EVC: variants seen among roughly 807,000 people sequenced by gnomAD.
EVC encodes evC complex member EVC.
In EVC, 116 loss-of-function variants were observed where a neutral mutation model predicts 118.9. The observed-to-expected ratio is 0.98, with a 90% confidence interval of 0.84 to 1.14. EVC has a LOEUF of 1.14. Ranked by LOEUF, EVC falls within the 50% of genes most tolerant of loss-of-function variation. The probability of loss-of-function intolerance (pLI) is 0.00; values close to 1 mark genes in which losing one functional copy is unlikely to be tolerated. For synonymous variants in EVC, 619 were observed against 534.7 expected, an observed-to-expected ratio of 1.16 and a Z score of -2.18; for missense variants, 1,401 against 1,246.4, an observed-to-expected ratio of 1.12 and a Z score of -1.87.
At position 5,748,087 on chromosome 4, in the gene EVC, C is replaced by CGTTTG. The variant is rs58769270; in HGVS notation, c.940-59_940-55dup. 113,411 of 1,578,592 alleles carry CGTTTG rather than the reference C, an allele frequency of 0.072. 5,218 individuals carry two copies. The highest frequency in any genetic ancestry group is 0.21 in the African/African-American group (15,743 of 74,092). On this transcript the variant is annotated intron_variant, in intron 7 of 20. Coordinates refer to ENST00000264956, the MANE Select transcript of EVC (RefSeq NM_153717.3). ...TGAATTGTAATTCCCGAGCACGCACCGTTTGGCTTTCTTAAGTAAGTTTTT... is the reference window on the plus strand; with the variant it reads ...TGAATTGTAATTCCCGAGCACGCACCGTTTGGTTTGGCTTTCTTAAGTAAGTTTTT...
the EVC span, chr4:5,825,779 C>A: frequency 1.2e-6 from 1 of 820,716 alleles, no homozygotes; most frequent in East Asian, 2.9e-5. The surrounding 1 kb of genome is among the most constrained non-coding windows in gnomAD (Gnocchi z 4.4). Flanking sequence ...TGTGCATGCA[C>A]ACACACACAC....
In EVC at chr4:5,745,249, A is replaced by G. The variant is rs367702379; in HGVS notation, c.847A>G (p.Thr283Ala). The change falls in exon 7 of 21, where the codon ACA becomes GCA. Residue 283 changes from threonine (T) to alanine (A), a missense_variant. Thr to Ala is a moderately conservative substitution (Grantham distance 58). Transcript: ENST00000264956. Reference sequence around the variant, plus strand: ...GGGACTTCAGGTCAAACTGTCAAACACAGAAATGTCGGGGGCTGGTGACTC... The same window carrying G: ...GGGACTTCAGGTCAAACTGTCAAACGCAGAAATGTCGGGGGCTGGTGACTC... The part of the protein sequence containing the change: ...EKGLQVKLSN[T>A]EMSGAGDSEY... 3.7e-6 allele frequency: 6 copies of G among 1,613,928 alleles called. No individual in the cohort carries two copies. The highest frequency in any genetic ancestry group is 5.1e-6 in the Non-Finnish European group (6 of 1,179,970).
chr4:5,809,723 G>A, intron 19 of EVC, 112 bp downstream of exon 19: 2 of 967,534 alleles, frequency 2.1e-6, no homozygotes, highest in Non-Finnish European at 3.2e-6. Flanking sequence ...TCGTGCCTAG[G>A]CTCTCTGGGC....
chr4:5,777,079 T>C (rs1026246921), intron 11 of EVC, among the ~76,000 whole-genome samples: 1 of 152,168 alleles, frequency 6.6e-6, no homozygotes, highest in African/African-American at 2.4e-5. Context: ...TCCTCATGTG[T>C]CTGTTTATAT....
intron 11 of EVC, among the ~76,000 whole-genome samples, chr4:5,770,845 C>G (rs1733835399): frequency 6.6e-6 from 1 of 152,012 alleles, no homozygotes; most frequent in Non-Finnish European, 1.5e-5. Context: ...AACCCCATCT[C>G]TACTAAAAAT....
chr4:5,787,739 C>T (rs968448310), intron 12 of EVC, among the ~76,000 whole-genome samples: 1 of 152,158 alleles, frequency 6.6e-6, no homozygotes, highest in African/African-American at 2.4e-5. Context: ...TGGTGCACTC[C>T]TTAGCATAAC....
Position 5,719,273 on chromosome 4 carries a change from A to G in EVC, c.200A>G (p.Lys67Arg). Residue 67 changes from lysine (K) to arginine (R), a missense_variant, in exon 2 of 21, where the codon AAG becomes AGG. By Grantham distance (26) the Lys-to-Arg change is conservative. Coordinates refer to ENST00000264956, the MANE Select transcript of EVC (RefSeq NM_153717.3). This position sits in a 1 kb window ranked among gnomAD's most constrained non-coding sequence, Gnocchi z 4.7. ...HQKDDTQNLL[K>R]NLESNAQTPS... ...AAAGACGACACTCAAAATCTGCTCA[A>G]GAATTTGGAGTCTAATGCGCAGACC... 6.2e-7 allele frequency: 1 copy of G among 1,614,166 alleles called. No homozygotes were observed. The highest frequency in any genetic ancestry group is 8.5e-7 in the Non-Finnish European group (1 of 1,180,038).
downstream of EVC, among the ~76,000 whole-genome samples, chr4:5,814,522 C>T (rs570409389): frequency 1.5e-4 from 23 of 152,286 alleles, no homozygotes; most frequent in South Asian, 1.9e-3. Context: ...TGTTCTCCAA[C>T]GCAAATCTGC....
chr4:5,761,952 G>C (rs1359620586), intron 11 of EVC, among the ~76,000 whole-genome samples: 1 of 151,176 alleles, frequency 6.6e-6, no homozygotes, highest in Non-Finnish European at 1.5e-5. Context: ...TGCACAATGT[G>C]CAGGTTAGTT....
chr4:5,827,507 C>T, the EVC span, among the ~76,000 whole-genome samples: 1 of 152,150 alleles, frequency 6.6e-6, no homozygotes, highest in Admixed American at 6.5e-5. Flanking sequence ...AGGAAGGTCT[C>T]TGGACTTCTC....
chr4:5,810,845 T>G lies in EVC; in HGVS notation c.2895-108T>G, dbSNP rs917956097. ...AACCCATGTCAAAGTAAAAATTGTT[T>G]TGATCACCTTTGGCTGCATTTTCAT... On this transcript the variant is annotated intron_variant, in intron 20 of 20. Coordinates refer to ENST00000264956, the MANE Select transcript of EVC (RefSeq NM_153717.3). 15 of 1,090,916 alleles carry G rather than the reference T, an allele frequency of 1.4e-5. No individual in the cohort carries two copies. The African/African-American group carries it at 2.2e-4, about 16-fold the overall frequency. The allele number at this position is 1,090,916 out of a possible 1,614,324, so 67.6% of individuals were successfully genotyped here. A position where few individuals can be genotyped will look rare whatever the true frequency, so the allele number is the denominator to read the frequency against.
At chr4:5,782,232 C>T (rs961418516) in intron 11 of EVC, among the ~76,000 whole-genome samples, 5 of 151,638 alleles carry the variant, frequency 3.3e-5, no homozygotes, top group Middle Eastern at 6.9e-3. Flanking sequence ...CGCCACCACG[C>T]CCGGCTAATT....
At chr4:5,733,682 G>A (rs1323999528) in intron 5 of EVC, among the ~76,000 whole-genome samples, 1 of 152,200 alleles carries the variant, frequency 6.6e-6, no homozygotes, top group Non-Finnish European at 1.5e-5. Context: ...AAAGATGAGT[G>A]CCTCCTCCCG....
chr4:5,733,298 T>C (rs959703059), intron 4 of EVC, 53 bp from the exon 5 acceptor site: 1 of 1,468,902 alleles, frequency 6.8e-7, no homozygotes, highest in Non-Finnish European at 9.5e-7. Flanking sequence ...ATATTCTTAC[T>C]CTTCATTTCC....
the EVC span, among the ~76,000 whole-genome samples, chr4:5,823,249 A>G: frequency 1.6e-4 from 24 of 152,198 alleles, no homozygotes; most frequent in Admixed American, 3.9e-4. Flanking sequence ...TGATTTGTCT[A>G]TGTAAGCCAC....
intron 8 of EVC, among the ~76,000 whole-genome samples, chr4:5,748,771 TCCA>T (rs1358010261): frequency 2.7e-5 from 1 of 37,276 alleles, no homozygotes; most frequent in East Asian, 1.2e-3. Context: ...CATCCATCCA[TCCA>T]TCCACCCATC....
chr4:5,819,126 T>A (rs964679814), downstream of EVC, among the ~76,000 whole-genome samples: 4 of 152,176 alleles, frequency 2.6e-5, no homozygotes, highest in East Asian at 7.7e-4. Context: ...TCCTACCTTA[T>A]ATTGTACATA....
chr4:5,785,154 C>T (rs1026512763), intron 12 of EVC, among the ~76,000 whole-genome samples: 1 of 152,150 alleles, frequency 6.6e-6, no homozygotes, highest in Non-Finnish European at 1.5e-5. Flanking sequence ...TTGCTTGGAG[C>T]AGCCCCCTTC....
In EVC at chr4:5,731,317, C is replaced by G; in HGVS notation, c.385-108C>G. The G allele has an allele frequency of 2.0e-6, 2 of 993,646 alleles. No homozygotes were observed. The highest frequency in any genetic ancestry group is 3.2e-6 in the Non-Finnish European group (2 of 616,306). 61.6% of individuals were successfully genotyped at this position (993,646 alleles called of 1,614,324 possible). A position where few individuals can be genotyped will look rare whatever the true frequency, so the allele number is the denominator to read the frequency against. ...GGCACCCTGGCCAGTCTCCTCCAGG[C>G]AGACCTTCCTGTGAGCGGCTAGCGT... On this transcript the variant is annotated intron_variant, in intron 3 of 20. Coordinates refer to ENST00000264956, the MANE Select transcript of EVC (RefSeq NM_153717.3). The surrounding 1 kb of genome is among the most constrained non-coding windows in gnomAD (Gnocchi z 5.6).
Sources: gnomAD v4.1 joint callset for allele counts (sites outside exome capture counted in the v4.1 genomes callset) on GRCh38, gnomAD v4.1.1 for gene constraint, Gnocchi (gnomAD v3.1) non-coding constraint, MANE v1.5 for transcripts, NCBI Gene and HGNC (gene_info 2026-07-23, HGNC 2026-07-21) for gene names.